The following PCNX2 variants were observed in gnomAD, a reference collection of about 807,000 sequenced individuals.
The protein encoded by PCNX2 is pecanex 2.
In PCNX2, 168 loss-of-function variants were observed where a neutral mutation model predicts 223.8. The observed-to-expected ratio is 0.75, with a 90% CI of 0.66 to 0.85. The LOEUF is 0.85. Ranked by LOEUF, PCNX2 falls within the 40% of genes least tolerant of loss-of-function variation. PCNX2 has a pLI of 0.00. For missense variants in PCNX2, 2,507 were observed against 2,675.5 expected (o/e 0.94, Z 1.39); for synonymous variants, 1,006 against 1,052.6 (o/e 0.96, Z 0.86).
chr1:233,266,526 T>C (rs567304081), intron 1 of PCNX2, among the ~76,000 whole-genome samples: 11 of 152,252 alleles, frequency 7.2e-5, no homozygotes, highest in South Asian at 2.1e-4. Flanking sequence ...GACATCATCA[T>C]ACTCAGGAAA....
intron 25 of PCNX2, among the ~76,000 whole-genome samples, chr1:233,051,407 C>A (rs1220072608): frequency 1.4e-4 from 22 of 152,162 alleles, no homozygotes; most frequent in Admixed American, 1.4e-3. Context: ...ATGTTCACTG[C>A]AGCACTATTC....
chr1:233,089,649 C>A (rs1237733169), intron 23 of PCNX2, among the ~76,000 whole-genome samples: 6 of 152,132 alleles, frequency 3.9e-5, no homozygotes, highest in African/African-American at 1.4e-4. Context: ...GATGGCTACC[C>A]ACTTGTACAG....
At chr1:233,264,454 G>A (rs1054675289) in intron 1 of PCNX2, among the ~76,000 whole-genome samples, 3 of 152,140 alleles carry the variant, frequency 2.0e-5, no homozygotes, top group Admixed American at 6.6e-5. Flanking sequence ...ACAGCTTGCC[G>A]TGGTCCCATG....
chr1:233,234,367 G>T (rs897607941), intron 9 of PCNX2, among the ~76,000 whole-genome samples: 1 of 151,964 alleles, frequency 6.6e-6, no homozygotes, highest in African/African-American at 2.4e-5. Context: ...AGCAATCTTC[G>T]TTTTTCCTCC....
At chr1:233,286,429 G>A (rs989995403) in intron 1 of PCNX2, among the ~76,000 whole-genome samples, 6 of 152,170 alleles carry the variant, frequency 3.9e-5, no homozygotes, top group Non-Finnish European at 8.8e-5. Flanking sequence ...GAGACTGGCT[G>A]GCTAGCTGCT....
At chr1:233,231,636 G>C (rs1023041025) in intron 9 of PCNX2, 16 of 984,266 alleles carry the variant, frequency 1.6e-5, no homozygotes, top group Non-Finnish European at 1.9e-5. Context: ...AAGGGCAGGG[G>C]ATAGGGAGAA....
intron 21 of PCNX2, among the ~76,000 whole-genome samples, chr1:233,129,094 G>C (rs1253425660): frequency 6.6e-6 from 1 of 152,246 alleles, no homozygotes; most frequent in African/African-American, 2.4e-5. Context: ...GCCAGAGCCG[G>C]CTCCCTCAGC....
chr1:233,052,222 G>A (rs1672031530), intron 25 of PCNX2, among the ~76,000 whole-genome samples: 1 of 152,108 alleles, frequency 6.6e-6, no homozygotes, highest in Admixed American at 6.5e-5. Context: ...GAAAAGGCAT[G>A]GATATTCACA....
At chr1:233,115,321 C>T (rs1675346780) in intron 21 of PCNX2, among the ~76,000 whole-genome samples, 1 of 152,044 alleles carries the variant, frequency 6.6e-6, no homozygotes, top group Non-Finnish European at 1.5e-5. Flanking sequence ...CCAACAGGAA[C>T]TCAATATAAT....
At chr1:233,083,489 C>T (rs975593052) in intron 23 of PCNX2, among the ~76,000 whole-genome samples, 2 of 152,106 alleles carry the variant, frequency 1.3e-5, no homozygotes, top group Non-Finnish European at 2.9e-5. Context: ...CCACCAGCAG[C>T]GAGAAGAGGC....
chr1:233,089,247 T>C (rs930024191), intron 23 of PCNX2, among the ~76,000 whole-genome samples: 1 of 152,096 alleles, frequency 6.6e-6, no homozygotes, highest in African/African-American at 2.4e-5. Context: ...GCTAATAAAT[T>C]AGGGCAGAGG....
chr1:233,282,408 A>C (rs908995602), intron 1 of PCNX2, among the ~76,000 whole-genome samples: 1 of 152,162 alleles, frequency 6.6e-6, no homozygotes, highest in Non-Finnish European at 1.5e-5. Flanking sequence ...ATATCCAACT[A>C]TCTACTCAAC....
chr1:233,165,579 A>T (rs1055755885), intron 17 of PCNX2, among the ~76,000 whole-genome samples: 1 of 152,212 alleles, frequency 6.6e-6, no homozygotes, highest in African/African-American at 2.4e-5. Flanking sequence ...AATGATGAAC[A>T]TATTTTCATG....
chr1:233,120,481 C>T (rs1268051367), intron 21 of PCNX2, among the ~76,000 whole-genome samples: 1 of 152,166 alleles, frequency 6.6e-6, no homozygotes, highest in Non-Finnish European at 1.5e-5. Flanking sequence ...AAATGAATCA[C>T]TCATGTATTC....
At chr1:233,100,958 G>T (rs1258766356) in intron 21 of PCNX2, among the ~76,000 whole-genome samples, 1 of 152,156 alleles carries the variant, frequency 6.6e-6, no homozygotes, top group Admixed American at 6.5e-5. Context: ...ACCAATATTT[G>T]AACTTAACGG....
At position 233,139,892 on chromosome 1, in the gene PCNX2, G is replaced by T; in HGVS notation, c.3518-37C>A. On this transcript the variant is annotated intron_variant, in intron 19 of 33. Coordinates refer to ENST00000258229, the MANE Select transcript of PCNX2 (RefSeq NM_014801.4). The surrounding 1 kb of genome is among the most constrained non-coding windows in gnomAD (Gnocchi z 4.4). ...ATAAAAACCACTTAGAACAACCACCGATCAAAGTATTTTTCTTTAAGTACA... is the reference window on the plus strand; with the variant it reads ...ATAAAAACCACTTAGAACAACCACCTATCAAAGTATTTTTCTTTAAGTACA... 6.3e-7 allele frequency: 1 copy of T among 1,592,908 alleles called. No homozygotes were observed. Among genetic ancestry groups the T allele is most frequent in the Non-Finnish European group, 8.5e-7 (1 of 1,170,352 alleles).
At chr1:233,065,592 T>C (rs889576086) in intron 23 of PCNX2, 1 of 151,958 alleles carries the variant, frequency 6.6e-6, no homozygotes, top group African/African-American at 2.4e-5. Flanking sequence ...CTGGGCATCA[T>C]GGGATCCAAG....
intron 23 of PCNX2, among the ~76,000 whole-genome samples, chr1:233,086,393 C>T (rs1673600713): frequency 6.6e-6 from 1 of 152,122 alleles, no homozygotes; most frequent in Admixed American, 6.5e-5. Flanking sequence ...TGCAGTGGCT[C>T]ACGCCTGTAA....
intron 32 of PCNX2, among the ~76,000 whole-genome samples, chr1:232,995,482 G>A (rs1229239087): frequency 1.3e-5 from 2 of 152,122 alleles, no homozygotes; most frequent in African/African-American, 4.8e-5. Flanking sequence ...GAGTAAGCGT[G>A]TCATTTAAAT....
Sources: gnomAD v4.1 joint callset for allele counts (sites outside exome capture counted in the v4.1 genomes callset) on GRCh38, gnomAD v4.1.1 for gene constraint, Gnocchi (gnomAD v3.1) non-coding constraint, MANE v1.5 for transcripts, NCBI Gene and HGNC (gene_info 2026-07-23, HGNC 2026-07-21) for gene names.